The following STK31 variants were observed in gnomAD, a reference collection of about 807,000 sequenced individuals.
STK31 encodes the protein serine/threonine kinase 31, also known as serine/threonine-protein kinase 31.
In STK31, 89 loss-of-function variants were observed where a neutral mutation model predicts 129.7. The observed-to-expected ratio is 0.69, with a 90% CI of 0.58 to 0.82. The LOEUF is 0.82. STK31 is among the 40% of genes least tolerant of loss of function. The pLI is 0.00. For missense variants in STK31, 1,187 were observed against 1,176.4 expected (o/e 1.01, Z -0.13); for synonymous variants, 448 against 395.3 (o/e 1.13, Z -1.58).
chr7:23,783,538 ATATATATT>A (rs1791066639), intron 16 of STK31, 37 bp from the exon 17 acceptor site: 1 of 1,390,128 alleles, frequency 7.2e-7, no homozygotes, highest in Non-Finnish European at 1.0e-6. Context: ...TCAAAATTGA[ATATATATT>A]GATCTACAGT....
chr7:23,803,774 C>A (rs1323977497), intron 22 of STK31, among the ~76,000 whole-genome samples: 2 of 152,082 alleles, frequency 1.3e-5, no homozygotes, highest in Non-Finnish European at 2.9e-5. Flanking sequence ...TCTGTTGTTC[C>A]CTTCTTTGTG....
intron 1 of STK31, among the ~76,000 whole-genome samples, chr7:23,711,791 G>A (rs1157806284): frequency 6.6e-6 from 1 of 152,086 alleles, no homozygotes; most frequent in East Asian, 1.9e-4. Context: ...AAAAGAATAT[G>A]TACATTGTTT....
At chr7:23,811,419 C>A in intron 22 of STK31, 1 of 336,138 alleles carries the variant, frequency 3.0e-6, no homozygotes, top group Admixed American at 3.4e-5. Flanking sequence ...ATGAAGCCAG[C>A]TTGCTGCAAG....
chr7:23,786,858 G>A lies in STK31; in HGVS notation c.2421G>A (p.Leu807=). 13 of 1,613,758 alleles carry A rather than the reference G, an allele frequency of 8.1e-6. No homozygotes were observed. Among genetic ancestry groups the A allele is most frequent in the Non-Finnish European group, 1.1e-5 (13 of 1,179,870 alleles). ...FLCKSDPMAY[L]MVPYYPRANL... Reference sequence around the variant, plus strand: ...CTTAGTCTGATCCTATGGCTTATCTGATGGTCCCATACTACCCTAGGGCAA... The same window carrying A: ...CTTAGTCTGATCCTATGGCTTATCTAATGGTCCCATACTACCCTAGGGCAA... The change falls in exon 20 of 24, where the codon CTG becomes CTA. Residue 807 remains leucine (L), a synonymous_variant. Coordinates refer to ENST00000355870, the MANE Select transcript of STK31 (RefSeq NM_031414.5).
At chr7:23,781,091 T>A (rs926451364) in intron 15 of STK31, among the ~76,000 whole-genome samples, 1 of 152,254 alleles carries the variant, frequency 6.6e-6, no homozygotes, top group Non-Finnish European at 1.5e-5. Flanking sequence ...GTATTCTGGT[T>A]GCTATTATTA....
intron 10 of STK31, 106 bp downstream of exon 10, chr7:23,754,580 C>T: frequency 2.4e-6 from 3 of 1,276,078 alleles, no homozygotes; most frequent in Non-Finnish European, 3.2e-6. Context: ...GCAGAATGTG[C>T]AGATTTGTTA....
At chr7:23,737,731 T>C (rs1261857687) in intron 8 of STK31, among the ~76,000 whole-genome samples, 1 of 152,212 alleles carries the variant, frequency 6.6e-6, no homozygotes, top group African/African-American at 2.4e-5. Context: ...TGCTTTAATG[T>C]GTTTCCTTGT....
chr7:23,759,928 C>T (rs533514089), intron 10 of STK31, among the ~76,000 whole-genome samples: 1 of 152,180 alleles, frequency 6.6e-6, no homozygotes, highest in South Asian at 2.1e-4. Context: ...GGCTTTCATA[C>T]ATGCTAATGT....
intron 22 of STK31, among the ~76,000 whole-genome samples, chr7:23,806,469 GCTAA>G (rs1282521770): frequency 2.0e-5 from 3 of 152,140 alleles, no homozygotes; most frequent in Non-Finnish European, 2.9e-5. Context: ...TCAGGAATAT[GCTAA>G]CTAAGATAAA....
At position 23,717,562 on chromosome 7, in the gene STK31, A is replaced by T. The variant is rs200349502; in HGVS notation, c.232A>T (p.Asn78Tyr). 4.4e-5 allele frequency: 71 copies of T among 1,611,758 alleles called. No homozygotes were observed. The highest frequency in any genetic ancestry group is 1.3e-5 in the Non-Finnish European group (15 of 1,178,582). ...VCPQASSVLGNLDPNKIYGGL... is the reference protein window; with the variant it reads ...VCPQASSVLGYLDPNKIYGGL... ...CCCCCAGGCCAGTTCAGTTTTGGGG[A>T]ATCTTGACCCAAACAAGGTGAGCCA... is the stretch of plus-strand genomic sequence containing the variant. Residue 78 changes from asparagine to tyrosine, a missense_variant, in exon 4 of 24, where the codon AAT becomes TAT. Physicochemically the swap from Asn to Tyr is moderately radical, Grantham distance 143. Coordinates refer to ENST00000355870, the MANE Select transcript of STK31 (RefSeq NM_031414.5).
In STK31 at chr7:23,754,435, C is replaced by G. The variant is rs1218940582; in HGVS notation, c.1254C>G (p.Tyr418Ter). 1 of 1,613,474 alleles carries G rather than the reference C, an allele frequency of 6.2e-7. No individual in the cohort carries two copies. The highest frequency in any genetic ancestry group is 8.5e-7 in the Non-Finnish European group (1 of 1,179,826). The change falls in exon 10 of 24, where the codon TAC (tyrosine) becomes TAG (stop). Residue 418 changes from tyrosine (Y) to a stop codon, truncating the protein, a stop_gained. Transcript: ENST00000355870. LOFTEE classifies it high-confidence loss of function. ...GATTAGAGATAATATGGGCAGAATACAGTCTGGCTCAGGAGAATATTAAAA... is the reference window on the plus strand; with the variant it reads ...GATTAGAGATAATATGGGCAGAATAGAGTCTGGCTCAGGAGAATATTAAAA... The part of the protein sequence containing the change: ...LNGLEIIWAE[Y>*]SLAQENIKTC...
chr7:23,718,885 G>A (rs970931437), intron 4 of STK31, among the ~76,000 whole-genome samples: 1 of 151,944 alleles, frequency 6.6e-6, no homozygotes, highest in African/African-American at 2.4e-5. Context: ...TAAATTGTAG[G>A]GTAGACATGT....
upstream of STK31, chr7:23,710,155 G>C (rs1280868709): frequency 2.6e-6 from 4 of 1,523,508 alleles, no homozygotes; most frequent in African/African-American, 4.1e-5. Flanking sequence ...TGGCTGCCAC[G>C]TGACTCCCGC....
chr7:23,788,112 G>T lies in STK31; in HGVS notation c.2620G>T (p.Asp874Tyr). Residue 874 changes from aspartate (D) to tyrosine (Y), a missense_variant, in exon 21 of 24, where the codon GAC (aspartate) becomes TAC (tyrosine). Coordinates refer to ENST00000355870, the MANE Select transcript of STK31 (RefSeq NM_031414.5). ...NREQGIVGDF[D>Y]FTKSVSQRAS... ...TGAACAAGGAATTGTTGGAGATTTT[G>T]ACTTCACCAAATCTGTGGTAAGATA... 6.2e-7 allele frequency: 1 copy of T among 1,609,968 alleles called. No individual in the cohort carries two copies. Among genetic ancestry groups the T allele is most frequent in the South Asian group, 1.1e-5 (1 of 89,808 alleles).
At chr7:23,785,644 A>G in intron 18 of STK31, 41 bp downstream of exon 18, 1 of 1,592,282 alleles carries the variant, frequency 6.3e-7, no homozygotes, top group South Asian at 1.1e-5. Context: ...ATTCAGCAGC[A>G]TAAAGGATAG....
chr7:23,781,600 C>G (rs543326262), intron 16 of STK31, 80 bp downstream of exon 16: 2 of 983,566 alleles, frequency 2.0e-6, no homozygotes, highest in East Asian at 2.5e-5. Flanking sequence ...ATGAAGTGGA[C>G]TGTAATCACA....
chr7:23,719,476 A>G (rs1786552911), intron 4 of STK31, among the ~76,000 whole-genome samples: 1 of 152,150 alleles, frequency 6.6e-6, no homozygotes, highest in African/African-American at 2.4e-5. Flanking sequence ...CAAGTTTTCC[A>G]GATATAAACA....
rs1476155179 is a variant in STK31, at chr7:23,769,531, C to G, written c.1597-109C>G. 5.5e-6 allele frequency: 4 copies of G among 720,814 alleles called. No homozygotes were observed. The Admixed American group carries it at 1.1e-4, about 19-fold the overall frequency. 44.7% of individuals were successfully genotyped at this position (720,814 alleles called of 1,614,324 possible). On this transcript the variant is annotated intron_variant, in intron 12 of 23. Coordinates refer to ENST00000355870, the MANE Select transcript of STK31 (RefSeq NM_031414.5). ...ACTTTTTTTTCCTGCATTCCTAGTT[C>G]TTTTACATTGCCCAGGGTATAGCTT...
intron 11 of STK31, among the ~76,000 whole-genome samples, chr7:23,766,381 A>C (rs1420180776): frequency 6.7e-6 from 1 of 150,346 alleles, no homozygotes; most frequent in Non-Finnish European, 1.5e-5. Context: ...TCATGCCTCA[A>C]CCTCCCGAGT....
Sources: gnomAD v4.1 joint callset for allele counts (sites outside exome capture counted in the v4.1 genomes callset) on GRCh38, gnomAD v4.1.1 for gene constraint, MANE v1.5 for transcripts, NCBI Gene and HGNC (gene_info 2026-07-23, HGNC 2026-07-21) for gene names.